CLGN: variants seen among roughly 807,000 people sequenced by gnomAD.
CLGN encodes the protein calmegin.
Under a neutral mutation model 79.1 loss-of-function variants are expected in CLGN, and 62 were observed. The observed-to-expected ratio is 0.78, with a 90% CI of 0.64 to 0.97. The LOEUF (loss-of-function observed/expected upper bound fraction) is 0.97, where lower values mean the gene tolerates loss of function less well. Ranked by LOEUF, CLGN falls within the 50% of genes least tolerant of loss-of-function variation. CLGN has a pLI of 0.00. For missense variants in CLGN, 647 were observed against 715.5 expected (o/e 0.90, Z 1.09); for synonymous variants, 225 against 224.7 (o/e 1.00, Z -0.01).
Position 140,410,299 on chromosome 4 carries a change from T to C in CLGN, c.218+254A>G, listed in dbSNP as rs567322419. On this transcript the variant is annotated intron_variant, in intron 3 of 14. Coordinates refer to ENST00000325617, the MANE Select transcript of CLGN (RefSeq NM_004362.3). ...ATCTGAACTTAAGAGTGTTAATCTG[T>C]CCTAGAGAATAAAGAAATGTTATAA... is the stretch of plus-strand genomic sequence containing the variant. 1.1e-4 allele frequency among the ~76,000 whole-genome samples: 16 copies of C among 152,150 alleles called. No individual in the cohort carries two copies. The South Asian group carries it at 3.3e-3, about 32-fold the overall frequency.
chr4:140,417,602 T>C (rs1729368333), intron 1 of CLGN, among the ~76,000 whole-genome samples: 1 of 148,294 alleles, frequency 6.7e-6, no homozygotes, highest in South Asian at 2.1e-4. Context: ...CCATTCACAA[T>C]TGCTTCAAAG....
chr4:140,420,275 T>G (rs2126634304), intron 1 of CLGN, among the ~76,000 whole-genome samples: 1 of 152,308 alleles, frequency 6.6e-6, no homozygotes, highest in East Asian at 1.9e-4. Flanking sequence ...TATTCTATAT[T>G]ATAGTTTTTC....
rs1729006925 is a variant in CLGN, at chr4:140,401,929, C to T, written c.501+56G>A. The T allele has an allele frequency of 6.5e-6, 6 of 922,746 alleles. No homozygotes were observed. The South Asian group carries it at 9.6e-5, about 15-fold the overall frequency. 57.2% of individuals were successfully genotyped at this position (922,746 alleles called of 1,614,324 possible). On this transcript the variant is annotated intron_variant, in intron 6 of 14. Coordinates refer to ENST00000325617, the MANE Select transcript of CLGN (RefSeq NM_004362.3). ...AAAATATTCAGTTTTATCATTTGTT[C>T]CTTAAAAATACTTATTAACTTTAAT... is the stretch of plus-strand genomic sequence containing the variant.
chr4:140,416,343 A>G, intron 1 of CLGN, among the ~76,000 whole-genome samples: 1 of 110,428 alleles, frequency 9.1e-6, no homozygotes, highest in Non-Finnish European at 1.8e-5. Context: ...GCAAGAAATA[A>G]CTAAAATCAG....
chr4:140,417,654 G>A (rs1207413192), intron 1 of CLGN, among the ~76,000 whole-genome samples: 7 of 151,558 alleles, frequency 4.6e-5, no homozygotes, highest in Non-Finnish European at 1.0e-4. Flanking sequence ...GGGATGTGAA[G>A]GACCTCTTCA....
chr4:140,416,781 A>G (rs1729341830), intron 1 of CLGN, among the ~76,000 whole-genome samples: 2 of 152,162 alleles, frequency 1.3e-5, no homozygotes, highest in Admixed American at 1.3e-4. Context: ...ACAAGGAGGA[A>G]CTGCTACCAT....
chr4:140,404,897 C>A lies in CLGN; in HGVS notation c.419+1045G>T, dbSNP rs184264580. 1.3e-3 allele frequency among the ~76,000 whole-genome samples: 191 copies of A among 152,078 alleles called. 2 individuals are homozygous for A. Among genetic ancestry groups the A allele is most frequent in the African/African-American group, 4.3e-3 (179 of 41,492 alleles). ...TCTTGAACTCCTGGGTTCAAGCTGT[C>A]TGCCCACCTAGGCCTCCCAAAGTGC... On this transcript the variant is annotated intron_variant, in intron 5 of 14. Coordinates refer to ENST00000325617, the MANE Select transcript of CLGN (RefSeq NM_004362.3).
intron 6 of CLGN, among the ~76,000 whole-genome samples, chr4:140,401,208 G>A (rs1728992681): frequency 6.6e-6 from 1 of 152,158 alleles, no homozygotes; most frequent in African/African-American, 2.4e-5. Context: ...TAAGGATTAA[G>A]TGAATTAATC....
chr4:140,397,312 A>G (rs1728909154), intron 8 of CLGN, among the ~76,000 whole-genome samples: 1 of 152,068 alleles, frequency 6.6e-6, no homozygotes, highest in Non-Finnish European at 1.5e-5. Context: ...TGAACTTTGA[A>G]TGTACATTTA....
At chr4:140,406,131 C>A (rs559685251) in intron 4 of CLGN, 48 bp from the exon 5 acceptor site, 50 of 1,565,534 alleles carry the variant, frequency 3.2e-5, no homozygotes, top group Middle Eastern at 2.0e-4. Context: ...AAACATTGAC[C>A]TAAGAATTAT....
chr4:140,392,753 A>G, intron 11 of CLGN, 42 bp from the exon 12 acceptor site: 1 of 1,531,830 alleles, frequency 6.5e-7, no homozygotes, highest in East Asian at 2.3e-5. Flanking sequence ...CAAATTTTAC[A>G]AACCTTTACT....
At chr4:140,389,649 T>C (rs930646008) in intron 14 of CLGN, among the ~76,000 whole-genome samples, 1 of 151,790 alleles carries the variant, frequency 6.6e-6, no homozygotes, top group Non-Finnish European at 1.5e-5. Context: ...GAAACAATGA[T>C]TATTTAAAAC....
intron 1 of CLGN, among the ~76,000 whole-genome samples, chr4:140,424,689 A>T (rs1444794219): frequency 6.6e-6 from 1 of 152,194 alleles, no homozygotes; most frequent in Admixed American, 6.5e-5. Context: ...CAGGGTTCCA[A>T]GCTTCTTATG....
At chr4:140,395,758 T>A in intron 10 of CLGN, 61 bp downstream of exon 10, 3 of 1,310,156 alleles carry the variant, frequency 2.3e-6, no homozygotes, top group Non-Finnish European at 3.0e-6. Flanking sequence ...ATTAGATATT[T>A]AAATAGAAAA....
chr4:140,412,893 AT>A, intron 2 of CLGN, 41 bp downstream of exon 2: 1 of 1,546,576 alleles, frequency 6.5e-7, no homozygotes, highest in Non-Finnish European at 8.9e-7. Context: ...TCATTGTACT[AT>A]GTAAAGGAAT....
chr4:140,393,029 G>A (rs1263375809), intron 11 of CLGN, among the ~76,000 whole-genome samples: 1 of 151,928 alleles, frequency 6.6e-6, no homozygotes, highest in East Asian at 1.9e-4. Context: ...TGTATTACCT[G>A]GTTTATTTGA....
Position 140,389,195 on chromosome 4 carries a change from C to G in CLGN, c.*29G>C, listed in dbSNP as rs1338246028. On this transcript the variant is annotated 3_prime_UTR_variant, in exon 15 of 15. Coordinates refer to ENST00000325617, the MANE Select transcript of CLGN (RefSeq NM_004362.3). ...GATTTTTACAATGCCAAACATCCCTCTCGGGAATTAAAAATATTTCAATCT... is the reference window on the plus strand; with the variant it reads ...GATTTTTACAATGCCAAACATCCCTGTCGGGAATTAAAAATATTTCAATCT... The G allele has an allele frequency of 1.9e-6, 3 of 1,574,752 alleles. No homozygotes were observed. The African/African-American group carries it at 4.0e-5, about 21-fold the overall frequency.
rs1282566703 is a variant in CLGN at position 140,392,217 on chromosome 4, AC to A, written c.1651+1del. On this transcript the variant is annotated splice_donor_variant, in intron 13 of 14. Coordinates refer to ENST00000325617, the MANE Select transcript of CLGN (RefSeq NM_004362.3). LOFTEE classifies it high-confidence loss of function. ...CATTATAAATCACTCTCATCATCTT[AC>A]CTTTTTCAAGCATTTCACCATCATT... 2 of 1,611,790 alleles carry A rather than the reference AC, an allele frequency of 1.2e-6. No individual in the cohort carries two copies. The highest frequency in any genetic ancestry group is 1.7e-6 in the Non-Finnish European group (2 of 1,179,128).
chr4:140,416,630 C>T (rs1729338327), intron 1 of CLGN, among the ~76,000 whole-genome samples: 1 of 150,232 alleles, frequency 6.7e-6, no homozygotes, highest in Non-Finnish European at 1.5e-5. Context: ...GACACATACA[C>T]TCTCCCAAGA....
Sources: allele counts gnomAD v4.1 joint callset (sites outside exome capture counted in the v4.1 genomes callset), GRCh38; gene constraint gnomAD v4.1.1; transcripts MANE v1.5; gene names NCBI Gene and HGNC (gene_info 2026-07-23, HGNC 2026-07-21).